UTP4: variants seen among roughly 807,000 people sequenced by gnomAD.
UTP4 encodes UTP4 small subunit processome component.
A neutral mutation model predicts 82.4 loss-of-function variants in UTP4; 45 were observed. That is an observed-to-expected ratio of 0.55 (90% CI 0.43 to 0.70). The LOEUF is 0.70. UTP4 is among the 30% of genes least tolerant of loss of function. UTP4 has a pLI of 0.00. For synonymous variants in UTP4, 348 were observed against 300.3 expected, an observed-to-expected ratio of 1.16 and a Z score of -1.64; for missense variants, 819 against 858.3, an observed-to-expected ratio of 0.95 and a Z score of 0.57.
Position 69,168,815 on chromosome 16 carries a change from C to G in UTP4, c.1945-6C>G. 1 of 1,573,118 alleles carries G rather than the reference C, an allele frequency of 6.4e-7. No individual in the cohort carries two copies. The highest frequency in any genetic ancestry group is 1.1e-5 in the South Asian group (1 of 90,306). On this transcript the variant is annotated splice_region_variant and splice_polypyrimidine_tract_variant and intron_variant, in intron 16 of 16. Coordinates refer to ENST00000314423, the MANE Select transcript of UTP4 (RefSeq NM_032830.3). ...TCCTGATAGAATAATTATCATCCCT[C>G]TGCAGCCTCTACTCTTCATGGATCT...
In UTP4 at chr16:69,143,158, G is replaced by A; in HGVS notation, c.527-20G>A. On this transcript the variant is annotated intron_variant, in intron 5 of 16. Coordinates refer to ENST00000314423, the MANE Select transcript of UTP4 (RefSeq NM_032830.3). ...AGAGAAATAAGTACCATTTGAAGGT[G>A]TGCTTTTCTGATTTTTCAGGCAGCG... The A allele has an allele frequency of 1.9e-6, 3 of 1,610,872 alleles. No homozygotes were observed. Among genetic ancestry groups the A allele is most frequent in the Non-Finnish European group, 2.5e-6 (3 of 1,176,998 alleles).
chr16:69,155,841 C>T (rs1252374294), intron 10 of UTP4, 30 bp from the exon 11 acceptor site: 4 of 1,613,744 alleles, frequency 2.5e-6, no homozygotes, highest in Non-Finnish European at 3.4e-6. Flanking sequence ...AGTTTAATTG[C>T]ACATTCATCT....
At chr16:69,144,022 G>C (rs774514311) in intron 6 of UTP4, among the ~76,000 whole-genome samples, 1 of 150,632 alleles carries the variant, frequency 6.6e-6, no homozygotes, top group African/African-American at 2.4e-5. Flanking sequence ...CCAGTAGCTC[G>C]GATTACAGGC....
At chr16:69,165,997 C>T (rs1175783922) in intron 15 of UTP4, 2 of 258,610 alleles carry the variant, frequency 7.7e-6, no homozygotes, top group Non-Finnish European at 1.5e-5. Flanking sequence ...ACGCTGTCTG[C>T]AGGCTTGAGG....
At chr16:69,141,578 C>G (rs182027649) in intron 5 of UTP4, among the ~76,000 whole-genome samples, 3 of 152,032 alleles carry the variant, frequency 2.0e-5, no homozygotes. Context: ...ATTAATTGTT[C>G]TGGACACCTG....
intron 9 of UTP4, among the ~76,000 whole-genome samples, chr16:69,154,125 C>T (rs573736431): frequency 6.6e-6 from 1 of 152,152 alleles, no homozygotes; most frequent in East Asian, 1.9e-4. Flanking sequence ...GGATTAAAAT[C>T]GAGGCCACAC....
intron 1 of UTP4, 54 bp from the exon 2 acceptor site, chr16:69,133,404 T>A (rs1174791561): frequency 6.5e-7 from 1 of 1,539,946 alleles, no homozygotes; most frequent in Non-Finnish European, 9.0e-7. Flanking sequence ...GAATACTATA[T>A]GTGACATACT....
chr16:69,149,526 G>A (rs1459311107), intron 6 of UTP4, among the ~76,000 whole-genome samples: 1 of 151,924 alleles, frequency 6.6e-6, no homozygotes, highest in Non-Finnish European at 1.5e-5. Flanking sequence ...CCTCCAGCCT[G>A]GGTGACAGAG....
intron 2 of UTP4, among the ~76,000 whole-genome samples, chr16:69,134,362 C>T (rs753352261): frequency 3.3e-5 from 5 of 151,792 alleles, no homozygotes; most frequent in Non-Finnish European, 5.9e-5. Context: ...ATACTGGGCA[C>T]TAAGACAAAT....
At chr16:69,134,816 A>G (rs1962769627) in intron 2 of UTP4, among the ~76,000 whole-genome samples, 1 of 149,238 alleles carries the variant, frequency 6.7e-6, no homozygotes, top group Admixed American at 6.7e-5. Context: ...CAGCCTTCCA[A>G]GTCGCTGGGA....
chr16:69,161,197 C>T (rs1963554037), intron 13 of UTP4, among the ~76,000 whole-genome samples: 1 of 152,214 alleles, frequency 6.6e-6, no homozygotes, highest in Non-Finnish European at 1.5e-5. Context: ...AAAAGGAATA[C>T]TGGGAAAACA....
intron 6 of UTP4, among the ~76,000 whole-genome samples, chr16:69,146,625 C>A (rs1963115593): frequency 6.6e-6 from 1 of 152,094 alleles, no homozygotes; most frequent in African/African-American, 2.4e-5. Flanking sequence ...CTTTGGGAGA[C>A]CAAGGCGGGT....
At chr16:69,151,178 A>G (rs918278447) in intron 8 of UTP4, among the ~76,000 whole-genome samples, 9 of 149,920 alleles carry the variant, frequency 6.0e-5, no homozygotes, top group Non-Finnish European at 1.0e-4. Flanking sequence ...AGCTAATTTT[A>G]TATCTTTAGT....
chr16:69,160,578 T>G, intron 13 of UTP4, 116 bp downstream of exon 13: 2 of 758,788 alleles, frequency 2.6e-6, no homozygotes, highest in South Asian at 3.1e-5. Flanking sequence ...GACTTTTTTC[T>G]TTTTATTTTC....
In UTP4 at chr16:69,157,196, C is replaced by G; in HGVS notation, c.1400C>G (p.Ser467Ter). Reference sequence around the variant, plus strand: ...GGAGCTCTGCATATTGTTCAGCTGTCAGGAGGAAGCTTCAAGCACCTGCAT... The same window carrying G: ...GGAGCTCTGCATATTGTTCAGCTGTGAGGAGGAAGCTTCAAGCACCTGCAT... ...NQGALHIVQL[S>*]GGSFKHLHAF... The change falls in exon 12 of 17, where the codon TCA becomes TGA. Residue 467 changes from serine (S) to a stop codon, truncating the protein, a stop_gained. Coordinates refer to ENST00000314423, the MANE Select transcript of UTP4 (RefSeq NM_032830.3). LOFTEE classifies it high-confidence loss of function. 1 of 1,614,178 alleles carries G rather than the reference C, an allele frequency of 6.2e-7. No individual in the cohort carries two copies. The highest frequency in any genetic ancestry group is 1.1e-5 in the South Asian group (1 of 91,074).
rs1567602915 is a variant in UTP4, at chr16:69,143,304, T to C, written c.653T>C (p.Val218Ala). The C allele has an allele frequency of 1.9e-6, 3 of 1,614,022 alleles. No homozygotes were observed. The highest frequency in any genetic ancestry group is 1.3e-5 in the African/African-American group (1 of 74,900). ...ATAAGTGTGGACTCTGCTGGGAAGGTGCAGTTCTGGGACTCAGCCACTGGG... is the reference window on the plus strand; with the variant it reads ...ATAAGTGTGGACTCTGCTGGGAAGGCGCAGTTCTGGGACTCAGCCACTGGG... ...TIISVDSAGK[V>A]QFWDSATGTL... The change falls in exon 6 of 17, where the codon GTG (valine) becomes GCG (alanine). Residue 218 changes from valine to alanine, a missense_variant. Physicochemically the swap from Val to Ala is moderately conservative, Grantham distance 64. Coordinates refer to ENST00000314423, the MANE Select transcript of UTP4 (RefSeq NM_032830.3).
chr16:69,150,492 C>T (rs780679540), intron 6 of UTP4, 45 bp from the exon 7 acceptor site: 23 of 1,608,644 alleles, frequency 1.4e-5, no homozygotes, highest in Non-Finnish European at 1.8e-5. Flanking sequence ...TCCAACCAGA[C>T]CTTGTTTTGC....
At chr16:69,139,119 C>G (rs527332201) in intron 4 of UTP4, 1 of 151,708 alleles carries the variant, frequency 6.6e-6, no homozygotes, top group South Asian at 2.1e-4. Context: ...CAGGTGCGTG[C>G]CACCATGCCC....
intron 6 of UTP4, among the ~76,000 whole-genome samples, chr16:69,144,463 C>T (rs1426141718): frequency 6.6e-6 from 1 of 152,220 alleles, no homozygotes; most frequent in Non-Finnish European, 1.5e-5. Context: ...GCTGAGATTG[C>T]AGGCGTGAGC....
Sources: allele counts gnomAD v4.1 joint callset (sites outside exome capture counted in the v4.1 genomes callset), GRCh38; gene constraint gnomAD v4.1.1; transcripts MANE v1.5; gene names NCBI Gene and HGNC (gene_info 2026-07-23, HGNC 2026-07-21).